LMTK2: variants seen among roughly 807,000 people sequenced by gnomAD.
LMTK2 encodes the protein serine/threonine-protein kinase LMTK2.
LMTK2 carries 37 observed loss-of-function variants against 127.5 expected under a neutral mutation model. The observed-to-expected ratio is 0.29, with a 90% CI of 0.22 to 0.38. The LOEUF (loss-of-function observed/expected upper bound fraction) is 0.38. Among genes scored for constraint, LMTK2 ranks in the 10% least tolerant of loss-of-function variants. The pLI, the probability that LMTK2 is intolerant of heterozygous loss-of-function variation, is 1.00. For missense variants in LMTK2, 1,694 were observed against 1,920.3 expected (o/e 0.88, Z 2.20); for synonymous variants, 819 against 810.1 (o/e 1.01, Z -0.19).
rs959960835 is a variant in LMTK2, at chr7:98,206,425, T to C, written c.*933T>C. The C allele has an allele frequency of 6.6e-6, 1 of 152,162 alleles. No individual in the cohort carries two copies. Among genetic ancestry groups the C allele is most frequent in the Non-Finnish European group, 1.5e-5 (1 of 68,038 alleles). 9.4% of individuals were successfully genotyped at this position (152,162 alleles called of 1,614,324 possible). A position where few individuals can be genotyped will look rare whatever the true frequency, so the allele number is the denominator to read the frequency against. The stretch of plus-strand genomic sequence containing the variant: ...AGCCCTTTTGGTAAAAACCAACAGG[T>C]TGTGGCCGCAGACCTCAGATGGACC... On this transcript the variant is annotated 3_prime_UTR_variant, in exon 14 of 14. Transcript: ENST00000297293.
At chr7:98,195,426 G>C (rs1797610903) in intron 11 of LMTK2, among the ~76,000 whole-genome samples, 1 of 151,982 alleles carries the variant, frequency 6.6e-6, no homozygotes, top group African/African-American at 2.4e-5. Flanking sequence ...AGTGGGCATG[G>C]ATTTAGGCTC....
intron 6 of LMTK2, among the ~76,000 whole-genome samples, chr7:98,170,924 A>C (rs1025805350): frequency 2.0e-5 from 3 of 152,082 alleles, no homozygotes; most frequent in African/African-American, 7.2e-5. Context: ...TCCCCTTTGA[A>C]GAGTAGGCTT....
chr7:98,112,284 A>C (rs1237927544), intron 1 of LMTK2, among the ~76,000 whole-genome samples: 1 of 152,142 alleles, frequency 6.6e-6, no homozygotes, highest in Non-Finnish European at 1.5e-5. Flanking sequence ...TGCAACCTCC[A>C]ACTCCTGGCC....
At chr7:98,178,821 T>G (rs746374558) in intron 7 of LMTK2, among the ~76,000 whole-genome samples, 5 of 152,264 alleles carry the variant, frequency 3.3e-5, no homozygotes, top group Non-Finnish European at 5.9e-5. Flanking sequence ...GTGTTACCCT[T>G]GCAACAGCCT....
chr7:98,168,466 G>A (rs11762534), intron 6 of LMTK2, among the ~76,000 whole-genome samples: 48,854 of 152,174 alleles, frequency 0.32, 10,465 homozygotes, highest in Middle Eastern at 0.57. Flanking sequence ...AGAAGCGGGG[G>A]TGTTGCGCTG....
Position 98,171,088 on chromosome 7 carries a change from T to C in LMTK2, c.658-453T>C, listed in dbSNP as rs565603966. Among the ~76,000 whole-genome samples, 1 of 152,200 alleles carries C rather than the reference T, an allele frequency of 6.6e-6. No homozygotes were observed. Among genetic ancestry groups the C allele is most frequent in the East Asian group, 1.9e-4 (1 of 5,166 alleles). On this transcript the variant is annotated intron_variant, in intron 6 of 13. Transcript: ENST00000297293. The surrounding 1 kb of genome is among the most constrained non-coding windows in gnomAD (Gnocchi z 5.1). ...TTTCCCACCCATTTTTCTTTCCTTC[T>C]CTCCCGCTCCATTGCTCCTCCAAGC... is the stretch of plus-strand genomic sequence containing the variant.
In LMTK2 at chr7:98,207,718, G is replaced by C. The variant is rs908336479; in HGVS notation, c.*2226G>C. The C allele has an allele frequency of 7.2e-5, 11 of 152,146 alleles. No homozygotes were observed. Among genetic ancestry groups the C allele is most frequent in the Non-Finnish European group, 1.5e-4 (10 of 68,034 alleles). The allele number at this position is 152,146 out of a possible 1,614,324, so 9.4% of individuals were successfully genotyped here. ...AATGACCAAAGTCATACAGATCATG[G>C]AATCTGTCGTCGTCTTATACAGTGT... On this transcript the variant is annotated 3_prime_UTR_variant, in exon 14 of 14. Coordinates refer to ENST00000297293, the MANE Select transcript of LMTK2 (RefSeq NM_014916.4).
intron 1 of LMTK2, among the ~76,000 whole-genome samples, chr7:98,114,805 G>A (rs1796253822): frequency 6.6e-6 from 1 of 151,978 alleles, no homozygotes; most frequent in African/African-American, 2.4e-5. Context: ...TATTCTCCCT[G>A]TTTGCAATTG....
chr7:98,139,665 A>T (rs1796648756), intron 2 of LMTK2, among the ~76,000 whole-genome samples: 1 of 152,218 alleles, frequency 6.6e-6, no homozygotes, highest in African/African-American at 2.4e-5. Flanking sequence ...TCCCAACTCC[A>T]TCAATACAAA....
At chr7:98,108,100 G>A (rs193062774) in intron 1 of LMTK2, among the ~76,000 whole-genome samples, 24 of 152,308 alleles carry the variant, frequency 1.6e-4, no homozygotes, top group African/African-American at 5.8e-4. Context: ...TTGAAATGGG[G>A]AAAGATTGAA....
chr7:98,145,289 AAATC>A (rs1796756024), intron 3 of LMTK2, among the ~76,000 whole-genome samples: 1 of 152,068 alleles, frequency 6.6e-6, no homozygotes, highest in Non-Finnish European at 1.5e-5. Context: ...AAAAAAAAAA[AAATC>A]AATCACACAT....
intron 1 of LMTK2, among the ~76,000 whole-genome samples, chr7:98,113,926 T>C (rs977213525): frequency 1.3e-4 from 19 of 147,064 alleles, no homozygotes; most frequent in Non-Finnish European, 1.6e-4. Flanking sequence ...AACCTCATTA[T>C]TAAATTCTTT....
intron 4 of LMTK2, 117 bp downstream of exon 4, chr7:98,151,572 A>G (rs764612095): frequency 1.3e-6 from 1 of 766,416 alleles, no homozygotes; most frequent in Non-Finnish European, 2.1e-6. Flanking sequence ...TGCGTTACTA[A>G]TTGAGTTTCC....
At position 98,192,490 on chromosome 7, in the gene LMTK2, C is replaced by G. The variant is rs751986368; in HGVS notation, c.2025C>G (p.Asn675Lys). ...KPATLSSSLD[N>K]PKESVITGHF... Reference sequence around the variant, plus strand: ...CCACTTTAAGTTCCAGTTTGGATAACCCCAAAGAGTCAGTCATAACAGGCC... The same window carrying G: ...CCACTTTAAGTTCCAGTTTGGATAAGCCCAAAGAGTCAGTCATAACAGGCC... Residue 675 changes from asparagine (N) to lysine (K), a missense_variant, in exon 11 of 14, where the codon AAC becomes AAG. Asn to Lys is a moderately conservative substitution (Grantham distance 94, BLOSUM62 0). Transcript: ENST00000297293. 1 of 1,611,672 alleles carries G rather than the reference C, an allele frequency of 6.2e-7. No homozygotes were observed. Among genetic ancestry groups the G allele is most frequent in the South Asian group, 1.1e-5 (1 of 90,362 alleles).
chr7:98,145,752 A>G (rs4604351), intron 3 of LMTK2, among the ~76,000 whole-genome samples: 152,230 of 152,354 alleles, frequency 1, 76,053 homozygotes, highest in Middle Eastern at 1. Context: ...CTCAAATTCT[A>G]TATGTTCTCT....
In LMTK2 at chr7:98,193,092, C is replaced by T. The variant is rs745405571; in HGVS notation, c.2627C>T (p.Thr876Ile). 1.3e-5 allele frequency: 21 copies of T among 1,613,616 alleles called. No individual in the cohort carries two copies. The South Asian group carries it at 2.3e-4, about 18-fold the overall frequency. The change falls in exon 11 of 14, where the codon ACC (threonine) becomes ATC (isoleucine). Residue 876 changes from threonine (T) to isoleucine (I), a missense_variant. By Grantham distance (89) the Thr-to-Ile change is moderately conservative. This residue lies in a region of LMTK2 where 527 missense variants were observed against 539.8 expected (regional missense o/e 0.98). Coordinates refer to ENST00000297293, the MANE Select transcript of LMTK2 (RefSeq NM_014916.4). The surrounding 1 kb of genome is among the most constrained non-coding windows in gnomAD (Gnocchi z 4.1). Reference sequence around the variant, plus strand: ...GAAATTCTCTCAACTGATGCCAGAACCCACAGCCTGGATAACAGGTCCCAG... The same window carrying T: ...GAAATTCTCTCAACTGATGCCAGAATCCACAGCCTGGATAACAGGTCCCAG... Reference protein sequence around the residue: ...PVEILSTDARTHSLDNRSQDS... With the variant: ...PVEILSTDARIHSLDNRSQDS...
At chr7:98,124,648 T>C (rs771437733) in intron 1 of LMTK2, among the ~76,000 whole-genome samples, 1 of 152,146 alleles carries the variant, frequency 6.6e-6, no homozygotes, top group Non-Finnish European at 1.5e-5. Flanking sequence ...TATCTGGGCA[T>C]GGTGGTGCAC....
In LMTK2 at chr7:98,171,698, A is replaced by G. The variant is rs771248784; in HGVS notation, c.791+24A>G. 5.2e-6 allele frequency: 8 copies of G among 1,545,024 alleles called. No individual in the cohort carries two copies. Among genetic ancestry groups the G allele is most frequent in the Middle Eastern group, 2.4e-4 (1 of 4,138 alleles). ...AGGTGGGTACCTGCGTCAGCGGTGC[A>G]CGCCCCACACAGCACCGGCGGGACA... On this transcript the variant is annotated intron_variant, in intron 7 of 13. Transcript: ENST00000297293. This position sits in a 1 kb window ranked among gnomAD's most constrained non-coding sequence, Gnocchi z 5.1.
intron 8 of LMTK2, 90 bp downstream of exon 8, chr7:98,185,225 T>A (rs1482292042): frequency 1.1e-6 from 1 of 881,378 alleles, no homozygotes; most frequent in East Asian, 2.7e-5. Flanking sequence ...TGTATAAGAA[T>A]CTTAGTCGCT....
Sources: allele counts gnomAD v4.1 joint callset (sites outside exome capture counted in the v4.1 genomes callset), GRCh38; gene constraint gnomAD v4.1.1; regional missense constraint gnomAD v4.1.1; non-coding constraint Gnocchi (gnomAD v3.1); transcripts MANE v1.5; gene names NCBI Gene and HGNC (gene_info 2026-07-23, HGNC 2026-07-21).